Variants in PCDH15 observed in about 807,000 individuals in gnomAD.
PCDH15 encodes the protein protocadherin related 15.
In PCDH15, 129 loss-of-function variants were observed where a neutral mutation model predicts 178.5. That is an observed-to-expected ratio of 0.72 (90% confidence interval 0.63 to 0.84). The LOEUF (loss-of-function observed/expected upper bound fraction) is 0.84, where lower values mean the gene tolerates loss of function less well. PCDH15 is among the 40% of genes least tolerant of loss of function. The pLI, the probability that PCDH15 is intolerant of heterozygous loss-of-function variation, is 0.00. For synonymous variants in PCDH15, 800 were observed against 732.0 expected, an observed-to-expected ratio of 1.09 and a Z score of -1.50; for missense variants, 2,230 against 2,099.9, an observed-to-expected ratio of 1.06 and a Z score of -1.21.
At chr10:55,254,786 C>A (rs1289073010) in intron 1 of PCDH15, among the ~76,000 whole-genome samples, 2 of 151,956 alleles carry the variant, frequency 1.3e-5, no homozygotes, top group Non-Finnish European at 2.9e-5. Context: ...AATAAGATTG[C>A]GAAAGAAGAA....
At chr10:54,518,910 T>C (rs975265814) in intron 3 of PCDH15, among the ~76,000 whole-genome samples, 5 of 152,070 alleles carry the variant, frequency 3.3e-5, no homozygotes, top group African/African-American at 1.2e-4. Flanking sequence ...GTTCAATATA[T>C]GCAAATCAAT....
At chr10:55,502,483 C>A (rs578163612) in intron 2 of PCDH15, among the ~76,000 whole-genome samples, 8 of 151,614 alleles carry the variant, frequency 5.3e-5, no homozygotes, top group African/African-American at 1.9e-4. Context: ...CTGGATGTCA[C>A]GTTGGAGTGT....
chr10:53,930,241 G>T (rs376390371), intron 25 of PCDH15, among the ~76,000 whole-genome samples: 1 of 151,764 alleles, frequency 6.6e-6, no homozygotes, highest in African/African-American at 2.4e-5. Context: ...GGCAGATCAC[G>T]AGGTCAGGAG....
chr10:55,013,297 T>C (rs942039234), intron 2 of PCDH15, among the ~76,000 whole-genome samples: 2 of 152,154 alleles, frequency 1.3e-5, no homozygotes, highest in Non-Finnish European at 2.9e-5. Flanking sequence ...GCACAGTACC[T>C]GAAAAAATCT....
intron 1 of PCDH15, among the ~76,000 whole-genome samples, chr10:55,312,796 T>C (rs1454316898): frequency 6.6e-6 from 1 of 152,102 alleles, no homozygotes; most frequent in Non-Finnish European, 1.5e-5. Context: ...TTTGCATTTT[T>C]AGTAGAGACA....
chr10:54,784,887 T>C (rs1234454234), intron 1 of PCDH15, among the ~76,000 whole-genome samples: 2 of 152,044 alleles, frequency 1.3e-5, no homozygotes, highest in Non-Finnish European at 2.9e-5. Context: ...TTTTTATATA[T>C]TTTATTTTTT....
intron 17 of PCDH15, 113 bp downstream of exon 17, chr10:54,079,218 T>C (rs747923921): frequency 2.3e-5 from 23 of 1,020,408 alleles, no homozygotes; most frequent in Non-Finnish European, 3.6e-5. Context: ...CTAGTAATTA[T>C]AAGAAGTTGC....
intron 2 of PCDH15, among the ~76,000 whole-genome samples, chr10:54,963,792 A>C (rs1408765768): frequency 6.6e-6 from 1 of 152,160 alleles, no homozygotes; most frequent in Non-Finnish European, 1.5e-5. Context: ...TGTGTTTGCA[A>C]AATCAAATGC....
intron 1 of PCDH15, among the ~76,000 whole-genome samples, chr10:55,171,249 G>GCTACTGATT (rs1245441762): frequency 5.3e-5 from 8 of 152,188 alleles, no homozygotes. Flanking sequence ...CCAATGCCAA[G>GCTACTGATT]CTACTGATTC....
At chr10:55,118,656 G>C (rs1214474914) in intron 2 of PCDH15, among the ~76,000 whole-genome samples, 1 of 152,184 alleles carries the variant, frequency 6.6e-6, no homozygotes, top group East Asian at 1.9e-4. Flanking sequence ...GTGCTAACTA[G>C]CCACCAAAGG....
intron 1 of PCDH15, among the ~76,000 whole-genome samples, chr10:54,668,303 A>G (rs79249513): frequency 0.063 from 9,533 of 152,236 alleles, 385 homozygotes; most frequent in East Asian, 0.15. Flanking sequence ...TTAAAATGTA[A>G]TAAGTGACAT....
At chr10:55,608,921 AAATGT>A (rs1243671920) in intron 2 of PCDH15, among the ~76,000 whole-genome samples, 1 of 151,980 alleles carries the variant, frequency 6.6e-6, no homozygotes, top group East Asian at 1.9e-4. Context: ...CAGATAAAAC[AAATGT>A]AAGTTTCAAG....
At position 53,943,566 on chromosome 10, in the gene PCDH15, A is replaced by T. The variant is rs559422652; in HGVS notation, c.3123-2591T>A. 1.2e-4 allele frequency among the ~76,000 whole-genome samples: 19 copies of T among 152,314 alleles called. No individual in the cohort carries two copies. In the South Asian group the frequency reaches 3.9e-3, roughly 32 times the overall value. ...TTCAAATATTAAAAAATGCACGTGTACATTTTTGCTAACCTTAACTGCACA... is the reference window on the plus strand; with the variant it reads ...TTCAAATATTAAAAAATGCACGTGTTCATTTTTGCTAACCTTAACTGCACA... On this transcript the variant is annotated intron_variant, in intron 23 of 37. Coordinates refer to ENST00000644397, the MANE Select transcript of PCDH15 (RefSeq NM_001384140.1).
intron 35 of PCDH15, 133 bp downstream of exon 35, chr10:53,816,106 A>G (rs2076051234): frequency 2.5e-6 from 1 of 392,796 alleles, no homozygotes; most frequent in Admixed American, 4.4e-5. Context: ...AGTTATTTTG[A>G]AAGACTCTTT....
intron 14 of PCDH15, among the ~76,000 whole-genome samples, chr10:54,135,901 G>C: frequency 6.6e-6 from 1 of 152,012 alleles, no homozygotes; most frequent in East Asian, 1.9e-4. Context: ...GATGAAATAA[G>C]TTTATATATT....
In PCDH15 at chr10:53,866,195, CTTTGT is replaced by C. The variant is rs1172060325; in HGVS notation, c.3717+442_3717+446del. On this transcript the variant is annotated intron_variant, in intron 27 of 37. Transcript: ENST00000644397. ...AACAAAATTTGTCCCCAAACATTTT[CTTTGT>C]TTTCTCAATTACAAAATGCTGAAAG... is the stretch of plus-strand genomic sequence containing the variant. 2.6e-5 allele frequency among the ~76,000 whole-genome samples: 4 copies of C among 152,132 alleles called. No homozygotes were observed. The South Asian group carries it at 6.2e-4, about 24-fold the overall frequency.
chr10:55,573,327 G>C (rs1261410955), intron 2 of PCDH15, among the ~76,000 whole-genome samples: 1 of 152,116 alleles, frequency 6.6e-6, no homozygotes, highest in Non-Finnish European at 1.5e-5. Flanking sequence ...AACAGTTCTA[G>C]TCCCTTATAT....
intron 2 of PCDH15, among the ~76,000 whole-genome samples, chr10:55,432,388 C>A (rs550746665): frequency 5.3e-5 from 8 of 152,224 alleles, no homozygotes; most frequent in African/African-American, 1.9e-4. Flanking sequence ...GAAGGCATTG[C>A]AGGGTTCTGA....
chr10:55,385,634 G>C (rs1837635208), intron 2 of PCDH15, among the ~76,000 whole-genome samples: 1 of 148,404 alleles, frequency 6.7e-6, no homozygotes, highest in Non-Finnish European at 1.5e-5. Flanking sequence ...ACTAAAGGCT[G>C]CTTGCAACAG....
Sources: gnomAD v4.1 joint callset for allele counts (sites outside exome capture counted in the v4.1 genomes callset) on GRCh38, gnomAD v4.1.1 for gene constraint, MANE v1.5 for transcripts, NCBI Gene and HGNC (gene_info 2026-07-23, HGNC 2026-07-21) for gene names.